The following STARD13 variants were observed in gnomAD, a reference collection of about 807,000 sequenced individuals.
STARD13 encodes stAR-related lipid transfer protein 13.
In STARD13, 62 loss-of-function variants were observed where a neutral mutation model predicts 106.4. The observed-to-expected ratio is 0.58, with a 90% CI of 0.48 to 0.72. STARD13 has a LOEUF of 0.72. Ranked by LOEUF, STARD13 falls within the 30% of genes least tolerant of loss-of-function variation. The probability of loss-of-function intolerance (pLI) is 0.00; values close to 1 mark genes in which losing one functional copy is unlikely to be tolerated. For synonymous variants in STARD13, 565 were observed against 553.0 expected, an observed-to-expected ratio of 1.02 and a Z score of -0.31; for missense variants, 1,387 against 1,424.0, an observed-to-expected ratio of 0.97 and a Z score of 0.42.
At chr13:33,325,524 T>A (rs2138541551) in intron 1 of STARD13, among the ~76,000 whole-genome samples, 1 of 152,350 alleles carries the variant, frequency 6.6e-6, no homozygotes, top group African/African-American at 2.4e-5. Flanking sequence ...AATTTTTTTT[T>A]ATCCCCTTCC....
At chr13:33,525,846 T>C in the STARD13 span, among the ~76,000 whole-genome samples, 1 of 152,198 alleles carries the variant, frequency 6.6e-6, no homozygotes, top group African/African-American at 2.4e-5. Flanking sequence ...TACATGAATC[T>C]AGCACTGCCA....
intron 1 of STARD13, among the ~76,000 whole-genome samples, chr13:33,264,140 C>T (rs566896728): frequency 1.3e-5 from 2 of 152,332 alleles, no homozygotes; most frequent in South Asian, 2.1e-4. Flanking sequence ...CATGCAAGTG[C>T]CCAAGGCTTC....
intron 1 of STARD13, among the ~76,000 whole-genome samples, chr13:33,304,953 C>T (rs1351770508): frequency 1.3e-5 from 2 of 152,146 alleles, no homozygotes; most frequent in Non-Finnish European, 2.9e-5. Flanking sequence ...CTTCAGGGAT[C>T]TATGCTGCAG....
the STARD13 span, among the ~76,000 whole-genome samples, chr13:33,489,525 T>A: frequency 6.6e-6 from 1 of 152,214 alleles, no homozygotes; most frequent in Non-Finnish European, 1.5e-5. Context: ...AATGTTACTT[T>A]TATGTGGGTC....
the STARD13 span, among the ~76,000 whole-genome samples, chr13:33,490,180 A>C: frequency 6.6e-6 from 1 of 152,198 alleles, no homozygotes; most frequent in Non-Finnish European, 1.5e-5. Context: ...GGAATTCCAC[A>C]TGCTTATTTT....
At chr13:33,191,443 A>C (rs1447774988) in intron 1 of STARD13, among the ~76,000 whole-genome samples, 6 of 152,166 alleles carry the variant, frequency 3.9e-5, no homozygotes, top group Non-Finnish European at 8.8e-5. Flanking sequence ...TGTGATTTCT[A>C]AGATGAAATG....
At chr13:33,389,107 C>T in the STARD13 span, among the ~76,000 whole-genome samples, 1 of 151,944 alleles carries the variant, frequency 6.6e-6, no homozygotes, top group African/African-American at 2.4e-5. Context: ...AGGTGCCAAC[C>T]ACCACGTCTG....
chr13:33,312,186 G>T (rs528882069), intron 1 of STARD13, among the ~76,000 whole-genome samples: 119 of 152,272 alleles, frequency 7.8e-4, no homozygotes, highest in African/African-American at 2.8e-3. Context: ...CATTTGCTTT[G>T]ACTATAAAAT....
At chr13:33,212,790 G>C (rs1162868147) in intron 1 of STARD13, among the ~76,000 whole-genome samples, 1 of 152,118 alleles carries the variant, frequency 6.6e-6, no homozygotes, top group African/African-American at 2.4e-5. Context: ...TTCCTAAACA[G>C]GTATGACAAT....
At chr13:33,252,171 T>C (rs1412412557) in intron 1 of STARD13, among the ~76,000 whole-genome samples, 2 of 152,214 alleles carry the variant, frequency 1.3e-5, no homozygotes, top group Non-Finnish European at 2.9e-5. Flanking sequence ...GTATCCAAAA[T>C]TGTGAGCAGC....
chr13:33,214,681 C>G (rs1347012810), intron 1 of STARD13, among the ~76,000 whole-genome samples: 2 of 139,474 alleles, frequency 1.4e-5, no homozygotes, highest in Non-Finnish European at 3.0e-5. Context: ...CATGCAGATA[C>G]ACACACACAT....
the STARD13 span, among the ~76,000 whole-genome samples, chr13:33,497,142 C>T: frequency 5.5e-3 from 840 of 152,190 alleles, 5 homozygotes; most frequent in Middle Eastern, 0.031. Context: ...CATCACATCC[C>T]AAGACCTTTA....
the STARD13 span, among the ~76,000 whole-genome samples, chr13:33,360,103 A>C: frequency 6.6e-6 from 1 of 152,252 alleles, no homozygotes; most frequent in African/African-American, 2.4e-5. Context: ...CAGAACTCTT[A>C]GGAGTTTAAA....
intron 7 of STARD13, among the ~76,000 whole-genome samples, chr13:33,120,939 C>T (rs1448849904): frequency 6.6e-6 from 1 of 152,172 alleles, no homozygotes; most frequent in African/African-American, 2.4e-5. Context: ...CAGGATTTCG[C>T]CACATTGGCC....
At chr13:33,414,185 T>C in the STARD13 span, among the ~76,000 whole-genome samples, 1 of 152,240 alleles carries the variant, frequency 6.6e-6, no homozygotes, top group Non-Finnish European at 1.5e-5. Context: ...CACTAAATTC[T>C]GACTACGATG....
At chr13:33,134,598 A>G (rs1878808256) in intron 4 of STARD13, among the ~76,000 whole-genome samples, 1 of 152,222 alleles carries the variant, frequency 6.6e-6, no homozygotes, top group Non-Finnish European at 1.5e-5. Flanking sequence ...CAGTTTTCAG[A>G]GTTAGAAAAT....
the STARD13 span, among the ~76,000 whole-genome samples, chr13:33,468,046 C>T: frequency 6.6e-6 from 1 of 152,144 alleles, no homozygotes; most frequent in African/African-American, 2.4e-5. Flanking sequence ...CAGGATATAA[C>T]CATTAGTTCT....
chr13:33,565,440 C>G, the STARD13 span, among the ~76,000 whole-genome samples: 3 of 147,582 alleles, frequency 2.0e-5, no homozygotes, highest in Non-Finnish European at 3.0e-5. Context: ...ACTGCAAAAA[C>G]ATGTACAACT....
At chr13:33,260,484 C>A (rs1197538794) in intron 1 of STARD13, among the ~76,000 whole-genome samples, 7 of 152,106 alleles carry the variant, frequency 4.6e-5, no homozygotes, top group Non-Finnish European at 1.0e-4. Flanking sequence ...ATCTGAAGCC[C>A]CAGGAAGTGT....
Sources: allele counts gnomAD v4.1 joint callset (sites outside exome capture counted in the v4.1 genomes callset), GRCh38; gene constraint gnomAD v4.1.1; transcripts MANE v1.5; gene names NCBI Gene and HGNC (gene_info 2026-07-23, HGNC 2026-07-21).